The following C7orf78 variants were observed in gnomAD, a reference collection of about 807,000 sequenced individuals.
The protein encoded by C7orf78 is chromosome 7 open reading frame 78, also known as putative uncharacterized protein C7orf78.
At chr7:12,487,787 A>G in the C7orf78 span, among the ~76,000 whole-genome samples, 1 of 152,076 alleles carries the variant, frequency 6.6e-6, no homozygotes, top group African/African-American at 2.4e-5. Flanking sequence ...TAAGTGACCT[A>G]TAAAGTACTT....
chr7:12,529,987 G>A, the C7orf78 span, among the ~76,000 whole-genome samples: 2 of 104,854 alleles, frequency 1.9e-5, no homozygotes, highest in East Asian at 2.8e-4. Context: ...AAAAGAAGTG[G>A]TACCTTCCGG....
chr7:12,495,749 A>G, the C7orf78 span, among the ~76,000 whole-genome samples: 2 of 152,274 alleles, frequency 1.3e-5, no homozygotes, highest in African/African-American at 4.8e-5. Context: ...CTATGAAAAA[A>G]TTATTACCAC....
chr7:12,536,332 C>T, the C7orf78 span, among the ~76,000 whole-genome samples: 2 of 152,194 alleles, frequency 1.3e-5, no homozygotes, highest in African/African-American at 4.8e-5. Context: ...CTTGCACCCT[C>T]TGAAGCCATA....
the C7orf78 span, among the ~76,000 whole-genome samples, chr7:12,504,235 C>A: frequency 6.6e-6 from 1 of 152,102 alleles, no homozygotes; most frequent in South Asian, 2.1e-4. Context: ...TGTGTATTTA[C>A]TGAGTATTGA....
chr7:12,496,801 T>C, the C7orf78 span, among the ~76,000 whole-genome samples: 2 of 152,288 alleles, frequency 1.3e-5, no homozygotes, highest in Non-Finnish European at 1.5e-5. Flanking sequence ...CAAAAAACAA[T>C]GAGGCATAAA....
chr7:12,536,121 G>A, the C7orf78 span, among the ~76,000 whole-genome samples: 3 of 152,264 alleles, frequency 2.0e-5, no homozygotes, highest in East Asian at 5.8e-4. Flanking sequence ...TCTGTGTGGG[G>A]GCTCCCACAG....
At chr7:12,507,142 T>TAAA in the C7orf78 span, 2 of 76,330 alleles carry the variant, frequency 2.6e-5, no homozygotes, top group Non-Finnish European at 5.3e-5. Context: ...CTACTAAAAA[T>TAAA]ACAAAAAAAA....
At chr7:12,508,306 A>C in the C7orf78 span, among the ~76,000 whole-genome samples, 2 of 152,160 alleles carry the variant, frequency 1.3e-5, no homozygotes, top group Non-Finnish European at 2.9e-5. Flanking sequence ...ACTGAAAACT[A>C]AATATGCTTA....
At chr7:12,533,776 A>G in the C7orf78 span, among the ~76,000 whole-genome samples, 1 of 152,110 alleles carries the variant, frequency 6.6e-6, no homozygotes, top group African/African-American at 2.4e-5. Flanking sequence ...TCGGCCTCCC[A>G]AAGTGCTAGG....
At chr7:12,509,616 C>T in the C7orf78 span, among the ~76,000 whole-genome samples, 9 of 152,194 alleles carry the variant, frequency 5.9e-5, no homozygotes, top group Admixed American at 1.3e-4. Flanking sequence ...TCATAACCCC[C>T]TCTCACCAAC....
At chr7:12,486,898 T>A in the C7orf78 span, 5 of 151,914 alleles carry the variant, frequency 3.3e-5, no homozygotes, top group Non-Finnish European at 5.9e-5. Context: ...TATTGTCAAA[T>A]CAAAATGTAA....
the C7orf78 span, among the ~76,000 whole-genome samples, chr7:12,512,133 G>A: frequency 1.3e-5 from 2 of 151,726 alleles, no homozygotes; most frequent in South Asian, 2.1e-4. Context: ...TTTTCTAAAT[G>A]TAAATATAAA....
At chr7:12,483,814 G>C in the C7orf78 span, 1 of 147,692 alleles carries the variant, frequency 6.8e-6, no homozygotes, top group Admixed American at 7.3e-5. Context: ...GAAGTCAGAG[G>C]TTGCAGTGAG....
the C7orf78 span, among the ~76,000 whole-genome samples, chr7:12,503,188 C>G: frequency 1.5e-5 from 2 of 134,970 alleles, no homozygotes; most frequent in Admixed American, 1.4e-4. Flanking sequence ...ATGTATGTAA[C>G]TAAGCTGCAC....
chr7:12,521,257 A>T, the C7orf78 span, among the ~76,000 whole-genome samples: 1 of 151,932 alleles, frequency 6.6e-6, no homozygotes, highest in Non-Finnish European at 1.5e-5. Context: ...TGATTTTGTT[A>T]ATTGTTTTCT....
chr7:12,490,110 AG>A, the C7orf78 span, among the ~76,000 whole-genome samples: 1 of 152,148 alleles, frequency 6.6e-6, no homozygotes, highest in Non-Finnish European at 1.5e-5. Flanking sequence ...TAATATTAAT[AG>A]CTAACATTTT....
the C7orf78 span, among the ~76,000 whole-genome samples, chr7:12,510,106 T>C: frequency 6.6e-6 from 1 of 152,014 alleles, no homozygotes; most frequent in South Asian, 2.1e-4. Flanking sequence ...ATTATGTGTA[T>C]ATATACTTTT....
At chr7:12,494,921 C>T in the C7orf78 span, among the ~76,000 whole-genome samples, 14 of 150,530 alleles carry the variant, frequency 9.3e-5, no homozygotes, top group African/African-American at 3.4e-4. Context: ...CACCAGGTAC[C>T]GATAGACAAC....
the C7orf78 span, among the ~76,000 whole-genome samples, chr7:12,503,764 A>T: frequency 6.6e-6 from 1 of 152,124 alleles, no homozygotes; most frequent in Non-Finnish European, 1.5e-5. Flanking sequence ...AGAAATATGT[A>T]TCTATTGAGT....
Sources: gnomAD v4.1 joint callset for allele counts (sites outside exome capture counted in the v4.1 genomes callset) on GRCh38, gnomAD v4.1.1 for gene constraint, MANE v1.5 for transcripts, NCBI Gene and HGNC (gene_info 2026-07-23, HGNC 2026-07-21) for gene names.